SYTL5: variants seen among roughly 807,000 people sequenced by gnomAD.
SYTL5 encodes synaptotagmin-like protein 5.
Under a neutral mutation model 55.9 loss-of-function variants are expected in SYTL5, and 34 were observed. The observed-to-expected ratio is 0.61, with a 90% confidence interval of 0.46 to 0.81. The LOEUF (loss-of-function observed/expected upper bound fraction) is 0.81. Among genes scored for constraint, SYTL5 ranks in the 30% least tolerant of loss-of-function variants. The pLI is 0.00. For missense variants in SYTL5, 637 were observed against 546.7 expected (o/e 1.17, Z -1.65); for synonymous variants, 221 against 188.7 (o/e 1.17, Z -1.40).
the SYTL5 span, among the ~76,000 whole-genome samples, chrX:37,959,721 A>T: frequency 1.8e-5 from 2 of 111,752 alleles, no homozygotes; most frequent in South Asian, 7.5e-4. Flanking sequence ...ACTATTCCCT[A>T]TAACTTTCCC....
At chrX:38,011,771 A>C (rs941826321) in intron 1 of SYTL5, among the ~76,000 whole-genome samples, 1 of 112,016 alleles carries the variant, frequency 8.9e-6, no homozygotes, top group African/African-American at 3.2e-5. Flanking sequence ...GTCTTTGCTA[A>C]CTATTTCAAA....
intron 2 of SYTL5, among the ~76,000 whole-genome samples, chrX:38,041,044 A>G (rs1223273338): frequency 8.9e-6 from 1 of 112,055 alleles, no homozygotes; most frequent in South Asian, 3.7e-4. Flanking sequence ...CCAGAACTTA[A>G]TATCTCCAAG....
At chrX:38,098,827 A>G (rs905502241) in intron 9 of SYTL5, among the ~76,000 whole-genome samples, 4 of 111,198 alleles carry the variant, frequency 3.6e-5, no homozygotes, top group Non-Finnish European at 7.6e-5. Context: ...ATTCAGAAAT[A>G]AAAAGAAATG....
At chrX:38,029,455 G>T (rs765623147) in intron 1 of SYTL5, among the ~76,000 whole-genome samples, 2 of 112,276 alleles carry the variant, frequency 1.8e-5, no homozygotes, top group East Asian at 5.6e-4. Flanking sequence ...TACTTTTGGT[G>T]AAAAACCTGG....
the SYTL5 span, among the ~76,000 whole-genome samples, chrX:37,929,482 G>A: frequency 7.1e-5 from 8 of 112,103 alleles, no homozygotes; most frequent in East Asian, 2.2e-3. Flanking sequence ...TAAAATAATA[G>A]CCTACTGTTT....
intron 3 of SYTL5, among the ~76,000 whole-genome samples, chrX:38,070,457 A>T (rs755007922): frequency 2.7e-5 from 3 of 110,215 alleles, no homozygotes; most frequent in Non-Finnish European, 5.7e-5. Flanking sequence ...TGATACCCTG[A>T]TTTGCATCTT....
intron 9 of SYTL5, among the ~76,000 whole-genome samples, chrX:38,096,693 G>A (rs1489338215): frequency 9.0e-6 from 1 of 111,236 alleles, no homozygotes; most frequent in Non-Finnish European, 1.9e-5. Context: ...GGTTAAATTA[G>A]ATTATTGTAA....
intron 1 of SYTL5, among the ~76,000 whole-genome samples, chrX:38,020,408 CATATATATATAT>C (rs59575156): frequency 0.022 from 1,298 of 58,561 alleles, 34 homozygotes; most frequent in African/African-American, 0.076. Context: ...TATGTGTGTG[CATATATATATAT>C]ATATATATAT....
the SYTL5 span, among the ~76,000 whole-genome samples, chrX:37,897,690 G>C: frequency 1.1e-4 from 12 of 111,589 alleles, no homozygotes; most frequent in East Asian, 8.4e-4. Context: ...CTTACTGGCT[G>C]TCATAGCCTG....
In SYTL5 at chrX:38,101,047, A is replaced by C. The variant is rs554112067; in HGVS notation, c.1063-1295A>C. Among the ~76,000 whole-genome samples, 54 of 111,720 alleles carry C rather than the reference A, an allele frequency of 4.8e-4. No individual in the cohort carries two copies. In the Admixed American group the frequency reaches 5.1e-3, roughly 11 times the overall value. The stretch of plus-strand genomic sequence containing the variant: ...CAAAAATATGCCACAATTTTGATGA[A>C]TTTTAAGGCAATATTAAGCAAAAAA... On this transcript the variant is annotated intron_variant, in intron 9 of 16. Transcript: ENST00000297875.
intron 1 of SYTL5, among the ~76,000 whole-genome samples, chrX:38,022,247 A>G (rs1296109488): frequency 3.6e-5 from 4 of 112,382 alleles, no homozygotes; most frequent in African/African-American, 9.7e-5. Flanking sequence ...GCCTATCCCA[A>G]CTGATACAGT....
At chrX:38,013,994 A>T (rs1308919646) in intron 1 of SYTL5, among the ~76,000 whole-genome samples, 1 of 109,907 alleles carries the variant, frequency 9.1e-6, no homozygotes, top group Non-Finnish European at 1.9e-5. Flanking sequence ...TTTCCTCTCT[A>T]CCCTCTCCAC....
the SYTL5 span, among the ~76,000 whole-genome samples, chrX:37,911,074 T>C: frequency 9.5e-6 from 1 of 105,384 alleles, no homozygotes; most frequent in African/African-American, 3.6e-5. Flanking sequence ...CAAGTGATTC[T>C]CCTGCCTCAG....
Position 38,110,316 on chromosome X carries a change from C to T in SYTL5, c.1435-5C>T, listed in dbSNP as rs373272303. 1.4e-5 allele frequency: 16 copies of T among 1,184,178 alleles called. No homozygotes were observed. Among genetic ancestry groups the T allele is most frequent in the South Asian group, 5.8e-5 (3 of 51,505 alleles). The stretch of plus-strand genomic sequence containing the variant: ...GGAGTGTAATGTTGTAAATCTCATT[C>T]GCAGTACACTATCAGCCATACCCAG... On this transcript the variant is annotated splice_region_variant and splice_polypyrimidine_tract_variant and intron_variant, in intron 12 of 16. Coordinates refer to ENST00000297875, the MANE Select transcript of SYTL5 (RefSeq NM_138780.3).
the SYTL5 span, among the ~76,000 whole-genome samples, chrX:37,893,710 A>T: frequency 2.4e-5 from 2 of 84,886 alleles, no homozygotes; most frequent in Non-Finnish European, 4.3e-5. Flanking sequence ...TAATCTATAG[A>T]TAAACTATAG....
At chrX:37,986,975 A>G in the SYTL5 span, among the ~76,000 whole-genome samples, 10 of 111,521 alleles carry the variant, frequency 9.0e-5, no homozygotes, top group African/African-American at 2.9e-4. Flanking sequence ...CCATTAACTC[A>G]TCATTTACAC....
At chrX:38,097,895 C>A (rs866143626) in intron 9 of SYTL5, among the ~76,000 whole-genome samples, 6 of 106,608 alleles carry the variant, frequency 5.6e-5, no homozygotes, top group Admixed American at 4.0e-4. Context: ...AAAAAAAAAA[C>A]TTTATGGCCA....
chrX:38,053,059 G>T (rs112864569), intron 2 of SYTL5, among the ~76,000 whole-genome samples: 13,042 of 112,200 alleles, frequency 0.12, 726 homozygotes, highest in Non-Finnish European at 0.16. Context: ...TTTCCAAAGT[G>T]ATTCCAATAT....
intron 1 of SYTL5, among the ~76,000 whole-genome samples, chrX:38,018,295 C>T (rs1569156926): frequency 9.0e-6 from 1 of 111,671 alleles, no homozygotes. Flanking sequence ...TGTTGCTTCT[C>T]ATGATTCTAT....
Sources: allele counts gnomAD v4.1 joint callset (sites outside exome capture counted in the v4.1 genomes callset), GRCh38; gene constraint gnomAD v4.1.1; transcripts MANE v1.5; gene names NCBI Gene and HGNC (gene_info 2026-07-23, HGNC 2026-07-21).